EDIL3: variants seen among roughly 807,000 people sequenced by gnomAD.
EDIL3 encodes the protein EGF-like repeat and discoidin I-like domain-containing protein 3.
EDIL3 carries 37 observed loss-of-function variants against 67.4 expected under a neutral mutation model. The observed-to-expected ratio is 0.55, with a 90% CI of 0.42 to 0.72. The LOEUF (loss-of-function observed/expected upper bound fraction) is 0.72, where lower values mean the gene tolerates loss of function less well. Among genes scored for constraint, EDIL3 ranks in the 30% least tolerant of loss-of-function variants. EDIL3 has a pLI of 0.00. For synonymous variants in EDIL3, 195 were observed against 196.3 expected (o/e 0.99, Z 0.05); for missense variants, 527 against 586.3 (o/e 0.90, Z 1.04).
chr5:83,990,879 CAATAAATAAATAAATAAATA>C (rs200045595), intron 9 of EDIL3, among the ~76,000 whole-genome samples: 41 of 140,314 alleles, frequency 2.9e-4, no homozygotes, highest in East Asian at 1.3e-3. Flanking sequence ...GACTCTGTCT[CAATAAATAAATAAATAAATA>C]AATAAATAAA....
rs553237639 is a variant in EDIL3, at chr5:84,291,880, T to G, written c.68-37668A>C. The stretch of plus-strand genomic sequence containing the variant: ...CCTGGATATATAGAAAGTAATAACT[T>G]TAACAAAAGTATAGCAGACAATATA... On this transcript the variant is annotated intron_variant, in intron 1 of 10. Coordinates refer to ENST00000296591, the MANE Select transcript of EDIL3 (RefSeq NM_005711.5). 3.3e-5 allele frequency among the ~76,000 whole-genome samples: 5 copies of G among 150,672 alleles called. No individual in the cohort carries two copies. In the South Asian group the frequency reaches 1.0e-3, roughly 31 times the overall value.
intron 6 of EDIL3, among the ~76,000 whole-genome samples, chr5:84,105,128 A>G (rs753672359): frequency 6.6e-6 from 1 of 152,086 alleles, no homozygotes; most frequent in Non-Finnish European, 1.5e-5. Flanking sequence ...TAAATATGAT[A>G]TAATTATTTT....
intron 6 of EDIL3, among the ~76,000 whole-genome samples, chr5:84,073,890 G>A (rs112158878): frequency 0.36 from 53,760 of 151,190 alleles, 9,714 homozygotes; most frequent in East Asian, 0.44. Flanking sequence ...GCATTGCCAA[G>A]TCAATCCTAA....
intron 4 of EDIL3, among the ~76,000 whole-genome samples, chr5:84,179,308 T>A (rs528867725): frequency 6.6e-6 from 1 of 152,170 alleles, no homozygotes; most frequent in South Asian, 2.1e-4. Context: ...GGGCCCAACC[T>A]GAGAAAAATC....
chr5:84,159,689 T>C (rs530357579), intron 4 of EDIL3, among the ~76,000 whole-genome samples: 20 of 152,022 alleles, frequency 1.3e-4, no homozygotes, highest in Non-Finnish European at 2.4e-4. Flanking sequence ...GAAACATAAA[T>C]TTTAAAATAA....
chr5:84,217,093 C>T (rs1034242919), intron 3 of EDIL3, among the ~76,000 whole-genome samples: 4 of 150,354 alleles, frequency 2.7e-5, no homozygotes, highest in African/African-American at 9.8e-5. Flanking sequence ...GTAAATACCT[C>T]TTCATACTCT....
chr5:84,362,226 G>C (rs1747625757), intron 1 of EDIL3, among the ~76,000 whole-genome samples: 1 of 152,088 alleles, frequency 6.6e-6, no homozygotes, highest in African/African-American at 2.4e-5. Flanking sequence ...TGCAACAAAA[G>C]AAAGAACAGT....
intron 2 of EDIL3, among the ~76,000 whole-genome samples, chr5:84,235,442 C>T (rs1744660669): frequency 6.6e-6 from 1 of 152,058 alleles, no homozygotes; most frequent in Admixed American, 6.6e-5. Flanking sequence ...GAATGGCATC[C>T]ATTGAAGTAT....
At chr5:83,964,238 A>T (rs1364779317) in intron 9 of EDIL3, among the ~76,000 whole-genome samples, 1 of 151,822 alleles carries the variant, frequency 6.6e-6, no homozygotes, top group African/African-American at 2.4e-5. Flanking sequence ...CACATCTTAT[A>T]TAATGTTAAT....
intron 9 of EDIL3, among the ~76,000 whole-genome samples, chr5:83,977,818 C>T (rs1372635294): frequency 6.6e-6 from 1 of 151,276 alleles, no homozygotes; most frequent in Admixed American, 6.6e-5. Flanking sequence ...ACATTTTAAC[C>T]ATTTCATTAG....
chr5:83,986,652 T>A (rs1248972457), intron 9 of EDIL3, among the ~76,000 whole-genome samples: 1 of 152,058 alleles, frequency 6.6e-6, no homozygotes, highest in South Asian at 2.1e-4. Flanking sequence ...AGCAGACTTG[T>A]GTATATATAT....
chr5:84,172,781 T>C (rs1469532053), intron 4 of EDIL3, among the ~76,000 whole-genome samples: 1 of 152,248 alleles, frequency 6.6e-6, no homozygotes, highest in East Asian at 1.9e-4. Flanking sequence ...TGACTCTGCA[T>C]GGCACATGCA....
At chr5:84,173,591 G>C (rs911698705) in intron 4 of EDIL3, among the ~76,000 whole-genome samples, 7 of 152,230 alleles carry the variant, frequency 4.6e-5, no homozygotes, top group South Asian at 2.1e-4. Flanking sequence ...GTCAATCATG[G>C]GGTGGCTTCT....
At chr5:84,217,047 T>C (rs1349988722) in intron 3 of EDIL3, among the ~76,000 whole-genome samples, 1 of 151,744 alleles carries the variant, frequency 6.6e-6, no homozygotes, top group African/African-American at 2.4e-5. Context: ...GAAAGTTGAA[T>C]GCCTTCCCTG....
intron 9 of EDIL3, among the ~76,000 whole-genome samples, chr5:84,056,753 G>C (rs376153840): frequency 5.3e-5 from 8 of 152,038 alleles, no homozygotes; most frequent in Admixed American, 5.2e-4. Flanking sequence ...TGGCAGACAT[G>C]GCTTTTCTTC....
chr5:84,162,244 C>G (rs1007267300), intron 4 of EDIL3, among the ~76,000 whole-genome samples: 1 of 152,062 alleles, frequency 6.6e-6, no homozygotes, highest in Non-Finnish European at 1.5e-5. Flanking sequence ...TCCCTTGTAC[C>G]CATGGATGTC....
intron 6 of EDIL3, among the ~76,000 whole-genome samples, chr5:84,094,696 T>TA (rs201240845): frequency 2.6e-5 from 4 of 152,276 alleles, no homozygotes; most frequent in East Asian, 3.9e-4. Flanking sequence ...ACAAAGTTGT[T>TA]AAAAAAATCC....
Position 83,943,305 on chromosome 5 carries a change from T to G in EDIL3, c.*114A>C, listed in dbSNP as rs1012368916. 4.1e-6 allele frequency: 6 copies of G among 1,462,412 alleles called. No homozygotes were observed. In the African/African-American group the frequency reaches 8.6e-5, roughly 21 times the overall value. The allele number at this position is 1,462,412 out of a possible 1,614,324, so 90.6% of individuals were successfully genotyped here. A position where few individuals can be genotyped will look rare whatever the true frequency, so the allele number is the denominator to read the frequency against. ...TAGTTGCCTACCATAATTTGAGCAC[T>G]TTTTCATGAAAAAAAAAAAAAAACC... is the stretch of plus-strand genomic sequence containing the variant. On this transcript the variant is annotated 3_prime_UTR_variant, in exon 11 of 11. Transcript: ENST00000296591.
At chr5:84,040,901 G>A (rs1746107888) in intron 9 of EDIL3, among the ~76,000 whole-genome samples, 2 of 152,172 alleles carry the variant, frequency 1.3e-5, no homozygotes, top group Non-Finnish European at 2.9e-5. Flanking sequence ...GGAGGCCAAG[G>A]CCGATGGATC....
Sources: gnomAD v4.1 joint callset for allele counts (sites outside exome capture counted in the v4.1 genomes callset) on GRCh38, gnomAD v4.1.1 for gene constraint, MANE v1.5 for transcripts, NCBI Gene and HGNC (gene_info 2026-07-23, HGNC 2026-07-21) for gene names.